The following GTF2IRD1 variants were observed in gnomAD, a reference collection of about 807,000 sequenced individuals.
The protein encoded by GTF2IRD1 is general transcription factor II-I repeat domain-containing protein 1.
Under a neutral mutation model 113.2 loss-of-function variants are expected in GTF2IRD1, and 26 were observed. The ratio of observed to expected loss-of-function variants is 0.23; its 90% CI spans 0.17 to 0.32. The LOEUF (loss-of-function observed/expected upper bound fraction) is 0.32. Ranked by LOEUF, GTF2IRD1 falls within the 10% of genes least tolerant of loss-of-function variation. The pLI, the probability that GTF2IRD1 is intolerant of heterozygous loss-of-function variation, is 1.00. For missense variants in GTF2IRD1, 864 were observed against 1,280.8 expected (o/e 0.67, Z 4.97); for synonymous variants, 484 against 529.1 (o/e 0.91, Z 1.17).
At chr7:74,545,627 CAGCCTT>C in intron 15 of GTF2IRD1, 111 bp from the exon 16 acceptor site, 1 of 762,756 alleles carries the variant, frequency 1.3e-6, no homozygotes, top group Non-Finnish European at 2.4e-6. Flanking sequence ...GCCCCAGCCC[CAGCCTT>C]CCCCCATTCC....
chr7:74,463,199 G>A (rs1417391130), intron 1 of GTF2IRD1, among the ~76,000 whole-genome samples: 1 of 152,116 alleles, frequency 6.6e-6, no homozygotes, highest in Non-Finnish European at 1.5e-5. Context: ...AGGGCTGGCC[G>A]AGTGATGTCA....
At chr7:74,571,646 G>T (rs1444684723) in intron 22 of GTF2IRD1, among the ~76,000 whole-genome samples, 1 of 152,208 alleles carries the variant, frequency 6.6e-6, no homozygotes, top group Admixed American at 6.5e-5. Flanking sequence ...AGGGTCACTT[G>T]CATCCAGGAG....
At chr7:74,576,574 G>A (rs1255665575) in intron 22 of GTF2IRD1, among the ~76,000 whole-genome samples, 1 of 146,632 alleles carries the variant, frequency 6.8e-6, no homozygotes, top group Non-Finnish European at 1.5e-5. Context: ...TGTCAGCAGG[G>A]CTGATCCTTC....
intron 4 of GTF2IRD1, 95 bp downstream of exon 4, chr7:74,515,691 GC>G (rs1554344510): frequency 5.4e-6 from 6 of 1,120,716 alleles, no homozygotes; most frequent in Non-Finnish European, 7.6e-6. Context: ...CCCACTATGG[GC>G]CCTGGGCAAA....
intron 1 of GTF2IRD1, among the ~76,000 whole-genome samples, chr7:74,461,273 A>AG (rs1334581100): frequency 8.5e-5 from 13 of 152,244 alleles, no homozygotes; most frequent in African/African-American, 2.4e-4. Flanking sequence ...GTAGGTAAGC[A>AG]GGGGGCAGCT....
chr7:74,482,307 A>G (rs1794789470), intron 1 of GTF2IRD1, among the ~76,000 whole-genome samples: 1 of 139,562 alleles, frequency 7.2e-6, no homozygotes, highest in South Asian at 2.2e-4. Flanking sequence ...GGCTCACTGC[A>G]GCCTCAACCT....
intron 1 of GTF2IRD1, among the ~76,000 whole-genome samples, chr7:74,479,939 G>A (rs1397551748): frequency 1.3e-5 from 2 of 151,794 alleles, no homozygotes; most frequent in Non-Finnish European, 2.9e-5. Flanking sequence ...TAGAGACGGG[G>A]TTTTGCCATG....
In GTF2IRD1 at chr7:74,547,133, A is replaced by G; in HGVS notation, c.1763A>G (p.Lys588Arg). Residue 588 changes from lysine (K) to arginine (R), a missense_variant, in exon 17 of 27, where the codon AAG becomes AGG. Physicochemically the swap from Lys to Arg is conservative, Grantham distance 26. Around this residue, in one of 7 missense-constraint regions of GTF2IRD1, gnomAD observed 218 missense variants for 352.6 expected, o/e 0.62. Transcript: ENST00000424337. ...GCCATTGGCATCTCGGAGCCCGTCAAGGTGCCGTACTCCAAGTTTCTGATG... is the reference window on the plus strand; with the variant it reads ...GCCATTGGCATCTCGGAGCCCGTCAGGGTGCCGTACTCCAAGTTTCTGATG... ...AKAIGISEPV[K>R]VPYSKFLMHP... 1.2e-6 allele frequency: 2 copies of G among 1,613,322 alleles called. No individual in the cohort carries two copies. Among genetic ancestry groups the G allele is most frequent in the Non-Finnish European group, 1.7e-6 (2 of 1,179,760 alleles).
chr7:74,511,203 T>TC (rs77935805), intron 2 of GTF2IRD1, among the ~76,000 whole-genome samples: 15,527 of 152,178 alleles, frequency 0.1, 1,951 homozygotes, highest in East Asian at 0.39. Context: ...TGAGGGACCC[T>TC]ATGGGTGACA....
chr7:74,552,753 T>C (rs1189781435), intron 17 of GTF2IRD1, among the ~76,000 whole-genome samples: 1 of 152,208 alleles, frequency 6.6e-6, no homozygotes, highest in Non-Finnish European at 1.5e-5. Flanking sequence ...ATGACATTTT[T>C]TATGGCTTTG....
intron 1 of GTF2IRD1, among the ~76,000 whole-genome samples, chr7:74,494,957 G>A (rs1267680640): frequency 1.3e-5 from 2 of 152,146 alleles, no homozygotes; most frequent in East Asian, 1.9e-4. Context: ...GTCTCACTAT[G>A]TTACCCAGTC....
intron 1 of GTF2IRD1, among the ~76,000 whole-genome samples, chr7:74,458,526 C>T (rs1554328075): frequency 6.6e-6 from 1 of 152,058 alleles, no homozygotes; most frequent in Non-Finnish European, 1.5e-5. Flanking sequence ...ACTTTCTTGG[C>T]CTACTTTGGA....
intron 22 of GTF2IRD1, among the ~76,000 whole-genome samples, chr7:74,574,082 C>G (rs1047101393): frequency 3.3e-5 from 5 of 151,420 alleles, no homozygotes; most frequent in Non-Finnish European, 7.4e-5. Context: ...CTCCCGGGTT[C>G]AAGCAATTCT....
intron 1 of GTF2IRD1, among the ~76,000 whole-genome samples, chr7:74,480,333 C>G (rs1335585987): frequency 6.6e-6 from 1 of 152,146 alleles, no homozygotes; most frequent in Non-Finnish European, 1.5e-5. Flanking sequence ...GTGTGTGTGA[C>G]GGAGGCTGTG....
chr7:74,563,627 T>C, intron 22 of GTF2IRD1, among the ~76,000 whole-genome samples: 1 of 150,834 alleles, frequency 6.6e-6, no homozygotes, highest in East Asian at 1.9e-4. Context: ...GGTTCACCCC[T>C]GTAATCCTAG....
In GTF2IRD1 at chr7:74,536,289, C is replaced by G. The variant is rs375672800; in HGVS notation, c.1409+14C>G. 1.3e-5 allele frequency: 20 copies of G among 1,545,016 alleles called. No homozygotes were observed. In the East Asian group the frequency reaches 4.5e-4, roughly 35 times the overall value. ...TGGGAATGCTCGGTGAGGCCCCGCCCCTGGCCCCGGAGGCCCGCGGCCAGC... is the reference window on the plus strand; with the variant it reads ...TGGGAATGCTCGGTGAGGCCCCGCCGCTGGCCCCGGAGGCCCGCGGCCAGC... On this transcript the variant is annotated intron_variant, in intron 11 of 26. Transcript: ENST00000424337.
Position 74,535,136 on chromosome 7 carries a change from C to T in GTF2IRD1, c.1298C>T (p.Thr433Ile), listed in dbSNP as rs1798217315. 2 of 1,612,110 alleles carry T rather than the reference C, an allele frequency of 1.2e-6. No individual in the cohort carries two copies. The highest frequency in any genetic ancestry group is 1.3e-5 in the African/African-American group (1 of 74,850). ...AGGATGTTTGATGAGCGAATTTTCA[C>T]AGGTATGTGGGGACCATCTAGTCCA... ...IKRMFDERIF[T>I]GNKFTKDTTK... Residue 433 changes from threonine to isoleucine, a missense_variant and splice_region_variant, in exon 10 of 27, where the codon ACA (threonine) becomes ATA (isoleucine). Physicochemically the swap from Thr to Ile is moderately conservative, Grantham distance 89. Coordinates refer to ENST00000424337, the MANE Select transcript of GTF2IRD1 (RefSeq NM_005685.4).
At chr7:74,577,680 G>A (rs1554364947) in intron 22 of GTF2IRD1, among the ~76,000 whole-genome samples, 1 of 149,024 alleles carries the variant, frequency 6.7e-6, no homozygotes, top group African/African-American at 2.5e-5. Flanking sequence ...TTTAAAGACA[G>A]TCTCCCTCTT....
At chr7:74,595,142 A>T (rs782615560) in intron 25 of GTF2IRD1, 91 bp downstream of exon 25, 13 of 845,440 alleles carry the variant, frequency 1.5e-5, no homozygotes, top group South Asian at 4.2e-5. Flanking sequence ...GCAGTGGCTC[A>T]TGCCTGTAAT....
Sources: gnomAD v4.1 joint callset for allele counts (sites outside exome capture counted in the v4.1 genomes callset) on GRCh38, gnomAD v4.1.1 for gene constraint, gnomAD v4.1.1 regional missense constraint, MANE v1.5 for transcripts, NCBI Gene and HGNC (gene_info 2026-07-23, HGNC 2026-07-21) for gene names.